Variants in ANKRD26 observed in about 807,000 individuals in gnomAD.
ANKRD26 encodes ankyrin repeat domain-containing protein 26.
In ANKRD26, 141 loss-of-function variants were observed where a neutral mutation model predicts 208.7. That is an observed-to-expected ratio of 0.68 (90% CI 0.59 to 0.78). The LOEUF (loss-of-function observed/expected upper bound fraction) is 0.78, where lower values mean the gene tolerates loss of function less well. Ranked by LOEUF, ANKRD26 falls within the 30% of genes least tolerant of loss-of-function variation. The probability of loss-of-function intolerance (pLI) is 0.00; values close to 1 mark genes in which losing one functional copy is unlikely to be tolerated. For synonymous variants in ANKRD26, 636 were observed against 660.4 expected (o/e 0.96, Z 0.57); for missense variants, 1,889 against 1,938.7 (o/e 0.97, Z 0.48).
At chr10:27,061,049 C>T in intron 13 of ANKRD26, 95 bp downstream of exon 13, 1 of 967,446 alleles carries the variant, frequency 1.0e-6, no homozygotes. Flanking sequence ...GGATATATAA[C>T]TTATTTCTCA....
chr10:26,949,736 C>T, the ANKRD26 span, among the ~76,000 whole-genome samples: 156 of 152,266 alleles, frequency 1.0e-3, no homozygotes, highest in African/African-American at 3.6e-3. Context: ...AACTCCTGAC[C>T]TCGTGATCCA....
chr10:27,019,041 G>A (rs2053399753), intron 29 of ANKRD26, among the ~76,000 whole-genome samples: 1 of 152,244 alleles, frequency 6.6e-6, no homozygotes, highest in South Asian at 2.1e-4. Flanking sequence ...AGCACTTTGG[G>A]AGGACAAGGC....
intron 32 of ANKRD26, 125 bp from the exon 33 acceptor site, chr10:27,007,087 T>A: frequency 1.5e-6 from 1 of 657,138 alleles, no homozygotes; most frequent in Non-Finnish European, 2.7e-6. Context: ...CTTGATTGCT[T>A]AAATATAAAA....
At chr10:27,048,142 A>T (rs2054523679) in intron 17 of ANKRD26, among the ~76,000 whole-genome samples, 1 of 152,182 alleles carries the variant, frequency 6.6e-6, no homozygotes, top group Non-Finnish European at 1.5e-5. Flanking sequence ...TTAAGAGTTG[A>T]GCATGAGCCC....
At chr10:27,020,351 T>C (rs569524596) in intron 29 of ANKRD26, among the ~76,000 whole-genome samples, 1 of 152,318 alleles carries the variant, frequency 6.6e-6, no homozygotes, top group African/African-American at 2.4e-5. Flanking sequence ...TTTAACTGTA[T>C]TCGCCCTGTG....
chr10:26,997,414 GA>G lies in ANKRD26; in HGVS notation c.563-2268del, dbSNP rs2052617210. On this transcript the variant is annotated intron_variant, in intron 4 of 5. Coordinates refer to the ANKRD26 transcript ENST00000445828. ...GTCAAGGTAGAATACTAGGAGAGGT[GA>G]AACACTTTAACTTCCTCAGAGCACC... Among the ~76,000 whole-genome samples, 3 of 152,256 alleles carry G rather than the reference GA, an allele frequency of 2.0e-5. No individual in the cohort carries two copies. The South Asian group carries it at 6.2e-4, about 32-fold the overall frequency.
chr10:27,012,418 C>T (rs2053146103), intron 32 of ANKRD26, among the ~76,000 whole-genome samples: 1 of 151,550 alleles, frequency 6.6e-6, no homozygotes, highest in Non-Finnish European at 1.5e-5. Context: ...ACTAAAATTT[C>T]TGTTTCCTCA....
intron 9 of ANKRD26, 68 bp downstream of exon 9, chr10:27,077,270 G>T: frequency 7.9e-7 from 1 of 1,262,498 alleles, no homozygotes; most frequent in Non-Finnish European, 1.2e-6. Flanking sequence ...CTCAATAGAT[G>T]CATCATTATG....
rs747558945 is a variant in ANKRD26, at chr10:27,033,287, G to A, written c.3745C>T (p.Arg1249Cys). The A allele has an allele frequency of 1.1e-5, 17 of 1,612,086 alleles. No individual in the cohort carries two copies. In the African/African-American group the frequency reaches 1.2e-4, roughly 11 times the overall value. The change falls in exon 25 of 34, where the codon CGT becomes TGT. Residue 1249 changes from arginine to cysteine, a missense_variant. Transcript: ENST00000376087. ...EASLEVTSRYRINLEDETQDL... is the reference protein window; with the variant it reads ...EASLEVTSRYCINLEDETQDL... ...TGTGTCTCATCTTCTAAATTAATACGATAACGTGACGTAACCTCCAGTGAA... is the reference window on the plus strand; with the variant it reads ...TGTGTCTCATCTTCTAAATTAATACAATAACGTGACGTAACCTCCAGTGAA...
At chr10:26,972,101 G>A (rs12245674), downstream of ANKRD26, among the ~76,000 whole-genome samples, 6,984 of 151,998 alleles carry the variant, frequency 0.046, 467 homozygotes, top group African/African-American at 0.15. Flanking sequence ...CAGGCGTGGT[G>A]GCGGGCGCCT....
chr10:26,988,217 G>T (rs2052422172), downstream of ANKRD26, among the ~76,000 whole-genome samples: 1 of 152,096 alleles, frequency 6.6e-6, no homozygotes, highest in South Asian at 2.1e-4. Context: ...CCTCTATGTT[G>T]TTTCTTAGTG....
At chr10:26,958,122 G>A in the ANKRD26 span, among the ~76,000 whole-genome samples, 4 of 149,432 alleles carry the variant, frequency 2.7e-5, no homozygotes, top group Non-Finnish European at 4.4e-5. Context: ...TTGCTCTGTC[G>A]CCAAGGCTGG....
chr10:27,018,088 G>T (rs752425421), intron 29 of ANKRD26, among the ~76,000 whole-genome samples: 3 of 150,842 alleles, frequency 2.0e-5, no homozygotes, highest in Non-Finnish European at 4.4e-5. Context: ...TCCTTAAATG[G>T]CTCTAAGGGG....
At chr10:27,061,559 ATTTTTT>A (rs11399797) in intron 12 of ANKRD26, among the ~76,000 whole-genome samples, 3 of 134,232 alleles carry the variant, frequency 2.2e-5, no homozygotes, top group Non-Finnish European at 4.7e-5. Flanking sequence ...TGCAACATCT[ATTTTTT>A]TTTTTTTTTT....
intron 16 of ANKRD26, 69 bp downstream of exon 16, chr10:27,053,251 T>C: frequency 1.8e-6 from 2 of 1,098,194 alleles, no homozygotes; most frequent in Admixed American, 1.9e-5. Flanking sequence ...TAATTTCATT[T>C]GGACTATGTT....
intron 6 of ANKRD26, among the ~76,000 whole-genome samples, chr10:27,079,526 T>C (rs577991574): frequency 6.6e-6 from 1 of 152,330 alleles, no homozygotes; most frequent in South Asian, 2.1e-4. Context: ...GATATAACTT[T>C]CGTTACCTGA....
At chr10:26,961,457 G>A in the ANKRD26 span, among the ~76,000 whole-genome samples, 2 of 152,126 alleles carry the variant, frequency 1.3e-5, no homozygotes, top group Non-Finnish European at 2.9e-5. Flanking sequence ...GACAGGACTC[G>A]CTGGGCTTGA....
At chr10:27,008,886 C>G (rs2052988406) in intron 32 of ANKRD26, among the ~76,000 whole-genome samples, 1 of 152,134 alleles carries the variant, frequency 6.6e-6, no homozygotes, top group African/African-American at 2.4e-5. Flanking sequence ...GTTGCCCAGG[C>G]TTGAGTGTAG....
At chr10:26,991,630 C>T (rs1338232843), downstream of ANKRD26, among the ~76,000 whole-genome samples, 1 of 152,056 alleles carries the variant, frequency 6.6e-6, no homozygotes, top group East Asian at 1.9e-4. Flanking sequence ...TTAGTAAAGA[C>T]GAGGTTCTCC....
Sources: gnomAD v4.1 joint callset for allele counts (sites outside exome capture counted in the v4.1 genomes callset) on GRCh38, gnomAD v4.1.1 for gene constraint, MANE v1.5 for transcripts, NCBI Gene and HGNC (gene_info 2026-07-23, HGNC 2026-07-21) for gene names.